The following PRKD1 variants were observed in gnomAD, a reference collection of about 807,000 sequenced individuals.
PRKD1 encodes serine/threonine-protein kinase D1.
Under a neutral mutation model 95.9 loss-of-function variants are expected in PRKD1, and 63 were observed. The observed-to-expected ratio is 0.66, with a 90% CI of 0.54 to 0.81. The LOEUF (loss-of-function observed/expected upper bound fraction) is 0.81, where lower values mean the gene tolerates loss of function less well. PRKD1 is among the 30% of genes least tolerant of loss of function. The pLI, the probability that PRKD1 is intolerant of heterozygous loss-of-function variation, is 0.00. For missense variants in PRKD1, 1,048 were observed against 1,165.3 expected (o/e 0.90, Z 1.47); for synonymous variants, 425 against 423.1 (o/e 1.00, Z -0.05).
In PRKD1 at chr14:29,927,288, C is replaced by A; in HGVS notation, c.225G>T (p.Ala75=). ...TGGAGCAAGCCATCTCGCGGACGTG[C>A]GCCAGGCTGTAGTCCCCGGACGAGT... ...LQDSSGDYSL[A]HVREMACSIV... is the part of the protein sequence containing the mutation. Residue 75 remains alanine (A), a synonymous_variant, in exon 1 of 18, where the codon GCG becomes GCT. Transcript: ENST00000331968. 2.0e-6 allele frequency: 3 copies of A among 1,538,338 alleles called. No homozygotes were observed. The highest frequency in any genetic ancestry group is 2.6e-6 in the Non-Finnish European group (3 of 1,144,038).
rs185793023 is a variant in PRKD1, at chr14:29,628,827, C to T, written c.1725+214G>A. On this transcript the variant is annotated intron_variant, in intron 11 of 17. Transcript: ENST00000331968. The stretch of plus-strand genomic sequence containing the variant: ...ATTATAATTGCCTAGCTGAGAAAAA[C>T]AGATATTTGGCTCTACATTACAGAA... 6.6e-5 allele frequency among the ~76,000 whole-genome samples: 10 copies of T among 152,080 alleles called. No individual in the cohort carries two copies. The East Asian group carries it at 1.9e-3, about 29-fold the overall frequency.
At chr14:29,691,897 T>C (rs1287873603) in intron 2 of PRKD1, among the ~76,000 whole-genome samples, 1 of 152,270 alleles carries the variant, frequency 6.6e-6, no homozygotes, top group East Asian at 1.9e-4. Flanking sequence ...ATACAAGTTA[T>C]GGTAGCTAAA....
At chr14:29,656,685 G>A (rs1881862264) in intron 4 of PRKD1, among the ~76,000 whole-genome samples, 1 of 152,116 alleles carries the variant, frequency 6.6e-6, no homozygotes, top group Admixed American at 6.5e-5. Flanking sequence ...AGATATCTGA[G>A]TTGCAAACTA....
At chr14:29,923,076 T>A (rs564356853) in intron 1 of PRKD1, among the ~76,000 whole-genome samples, 1 of 150,888 alleles carries the variant, frequency 6.6e-6, no homozygotes, top group Non-Finnish European at 1.5e-5. Context: ...ACAAAAAATT[T>A]AAAAATTAGC....
At chr14:29,909,174 G>A (rs569371441) in intron 1 of PRKD1, among the ~76,000 whole-genome samples, 1 of 152,290 alleles carries the variant, frequency 6.6e-6, no homozygotes, top group Non-Finnish European at 1.5e-5. Context: ...AGGTCCCCCA[G>A]CAGTGCCAGC....
At chr14:29,883,579 A>G (rs1021573096) in intron 1 of PRKD1, among the ~76,000 whole-genome samples, 3 of 152,220 alleles carry the variant, frequency 2.0e-5, no homozygotes, top group Admixed American at 6.5e-5. Context: ...CACTTTAATG[A>G]CAAAGTGGCT....
intron 1 of PRKD1, among the ~76,000 whole-genome samples, chr14:29,803,594 G>A (rs1306968385): frequency 6.6e-6 from 1 of 152,240 alleles, no homozygotes; most frequent in South Asian, 2.1e-4. Flanking sequence ...TAAAAACAGA[G>A]GATAAGAACT....
At position 29,686,301 on chromosome 14, in the gene PRKD1, A is replaced by G. The variant is rs555293685; in HGVS notation, c.404-20093T>C. ...CTCGCGAGCACCAGGATCCTCAAAC[A>G]AGGCCTGGGGTGGAAGCGTCTGGGG... On this transcript the variant is annotated intron_variant, in intron 2 of 17. Coordinates refer to ENST00000331968, the MANE Select transcript of PRKD1 (RefSeq NM_002742.3). 5.3e-5 allele frequency among the ~76,000 whole-genome samples: 8 copies of G among 152,240 alleles called. No homozygotes were observed. The South Asian group carries it at 1.7e-3, about 32-fold the overall frequency.
chr14:29,721,453 G>A (rs1334312035), intron 2 of PRKD1, among the ~76,000 whole-genome samples: 1 of 152,006 alleles, frequency 6.6e-6, no homozygotes. Flanking sequence ...CACACATATA[G>A]ACATAAACAC....
intron 1 of PRKD1, among the ~76,000 whole-genome samples, chr14:29,782,995 T>C (rs1889117060): frequency 6.6e-6 from 1 of 152,244 alleles, no homozygotes; most frequent in African/African-American, 2.4e-5. Flanking sequence ...ATTTGTTTCT[T>C]TGTGTTAGGA....
At chr14:29,880,735 GGAGCTA>G (rs1162117837) in intron 1 of PRKD1, among the ~76,000 whole-genome samples, 1 of 152,014 alleles carries the variant, frequency 6.6e-6, no homozygotes, top group African/African-American at 2.4e-5. Context: ...CCACAGGGGC[GGAGCTA>G]CACAAGACCA....
chr14:29,868,596 G>A (rs1892993350), intron 1 of PRKD1, among the ~76,000 whole-genome samples: 2 of 152,054 alleles, frequency 1.3e-5, no homozygotes, highest in South Asian at 4.1e-4. Flanking sequence ...TTATATAATA[G>A]AGGAATGAGA....
At chr14:29,667,530 A>T (rs1233888708) in intron 2 of PRKD1, among the ~76,000 whole-genome samples, 1 of 152,188 alleles carries the variant, frequency 6.6e-6, no homozygotes, top group Non-Finnish European at 1.5e-5. Context: ...TCAGAAAAAA[A>T]GTGTGGTTTG....
At chr14:29,708,258 G>A (rs1885179656) in intron 2 of PRKD1, among the ~76,000 whole-genome samples, 1 of 151,986 alleles carries the variant, frequency 6.6e-6, no homozygotes, top group South Asian at 2.1e-4. Context: ...AAGACTTTAG[G>A]GCATTGACTA....
At chr14:29,602,410 C>T (rs117250379) in intron 13 of PRKD1, among the ~76,000 whole-genome samples, 162 of 150,288 alleles carry the variant, frequency 1.1e-3, no homozygotes, top group Non-Finnish European at 1.5e-3. Flanking sequence ...TCCTTATGTG[C>T]CTCTACCTGT....
chr14:29,620,123 G>A (rs917249499), intron 13 of PRKD1, among the ~76,000 whole-genome samples: 30 of 151,482 alleles, frequency 2.0e-4, no homozygotes, highest in African/African-American at 6.5e-4. Context: ...CTAGCCATAT[G>A]TAGAAAGCTG....
intron 1 of PRKD1, among the ~76,000 whole-genome samples, chr14:29,862,082 T>C (rs1246133604): frequency 6.6e-6 from 1 of 152,178 alleles, no homozygotes; most frequent in Non-Finnish European, 1.5e-5. Context: ...TCCCCATGGG[T>C]TCAATTGCTT....
intron 2 of PRKD1, among the ~76,000 whole-genome samples, chr14:29,688,948 C>CAAAAAAA (rs377212196): frequency 6.2e-5 from 2 of 32,488 alleles, no homozygotes; most frequent in Non-Finnish European, 1.3e-4. Flanking sequence ...GACTCCGTCT[C>CAAAAAAA]AAAAAAAAAA....
At chr14:29,726,370 A>G (rs1377552905) in intron 1 of PRKD1, among the ~76,000 whole-genome samples, 1 of 152,214 alleles carries the variant, frequency 6.6e-6, no homozygotes, top group Non-Finnish European at 1.5e-5. Flanking sequence ...CTAATTTATT[A>G]TATGAAAAGG....
Sources: gnomAD v4.1 joint callset for allele counts (sites outside exome capture counted in the v4.1 genomes callset) on GRCh38, gnomAD v4.1.1 for gene constraint, MANE v1.5 for transcripts, NCBI Gene and HGNC (gene_info 2026-07-23, HGNC 2026-07-21) for gene names.